The following GNB4 variants were observed in gnomAD, a reference collection of about 807,000 sequenced individuals.
GNB4 encodes guanine nucleotide-binding protein subunit beta-4.
In GNB4, 28 loss-of-function variants were observed where a neutral mutation model predicts 45.2. The ratio of observed to expected loss-of-function variants is 0.62; its 90% confidence interval spans 0.46 to 0.85. GNB4 has a LOEUF of 0.85. GNB4 is among the 40% of genes least tolerant of loss of function. The pLI, the probability that GNB4 is intolerant of heterozygous loss-of-function variation, is 0.00. For missense variants in GNB4, 321 were observed against 425.4 expected, an observed-to-expected ratio of 0.75 and a Z score of 2.16; for synonymous variants, 132 against 143.7, an observed-to-expected ratio of 0.92 and a Z score of 0.58.
At chr3:179,506,393 T>A in the GNB4 span, among the ~76,000 whole-genome samples, 1 of 152,156 alleles carries the variant, frequency 6.6e-6, no homozygotes, top group African/African-American at 2.4e-5. Context: ...CTAGCAGTAT[T>A]TATCTTTGAG....
At chr3:179,506,391 A>G in the GNB4 span, among the ~76,000 whole-genome samples, 3 of 152,166 alleles carry the variant, frequency 2.0e-5, no homozygotes, top group Non-Finnish European at 2.9e-5. Flanking sequence ...CACTAGCAGT[A>G]TTTATCTTTG....
intron 6 of GNB4, among the ~76,000 whole-genome samples, chr3:179,414,651 G>A (rs1714741800): frequency 6.6e-6 from 1 of 152,134 alleles, no homozygotes; most frequent in Non-Finnish European, 1.5e-5. Flanking sequence ...TGAATTTTGT[G>A]CAGTAAATTT....
At chr3:179,469,539 C>A in the GNB4 span, among the ~76,000 whole-genome samples, 1 of 151,952 alleles carries the variant, frequency 6.6e-6, no homozygotes, top group African/African-American at 2.4e-5. Context: ...CTGCATGACA[C>A]GTTATTGAGT....
chr3:179,486,327 T>A, the GNB4 span, among the ~76,000 whole-genome samples: 1 of 151,946 alleles, frequency 6.6e-6, no homozygotes, highest in African/African-American at 2.4e-5. Flanking sequence ...TTAAAAATAA[T>A]CATGAGTTTA....
the GNB4 span, among the ~76,000 whole-genome samples, chr3:179,481,884 A>G: frequency 6.6e-6 from 1 of 151,972 alleles, no homozygotes; most frequent in Non-Finnish European, 1.5e-5. Context: ...TAAGTTTCTT[A>G]TTTTATTTAT....
chr3:179,458,653 T>A, the GNB4 span, among the ~76,000 whole-genome samples: 1 of 152,246 alleles, frequency 6.6e-6, no homozygotes, highest in Non-Finnish European at 1.5e-5. Context: ...TCCTGTATAC[T>A]TTAAATCATC....
At chr3:179,502,736 C>CT in the GNB4 span, among the ~76,000 whole-genome samples, 1 of 152,154 alleles carries the variant, frequency 6.6e-6, no homozygotes, top group Non-Finnish European at 1.5e-5. Flanking sequence ...TCAGTAAAAT[C>CT]TTCTGATTAG....
In GNB4 at chr3:179,415,060, C is replaced by T; in HGVS notation, c.268-13G>A. 2.0e-6 allele frequency: 3 copies of T among 1,537,268 alleles called. No individual in the cohort carries two copies. The highest frequency in any genetic ancestry group is 2.5e-5 in the South Asian group (2 of 79,014). On this transcript the variant is annotated splice_polypyrimidine_tract_variant and intron_variant, in intron 5 of 9. Coordinates refer to ENST00000232564, the MANE Select transcript of GNB4 (RefSeq NM_021629.4). ...GAATAGCATGCATCTGTAGGGCACA[C>T]ACCACACATCACTCAGATTACAAAA...
intron 8 of GNB4, among the ~76,000 whole-genome samples, chr3:179,407,139 A>G (rs1183045744): frequency 6.6e-6 from 1 of 152,212 alleles, no homozygotes; most frequent in African/African-American, 2.4e-5. Flanking sequence ...GATATCAGTC[A>G]ACGAAGGAGC....
chr3:179,519,865 T>C, the GNB4 span, among the ~76,000 whole-genome samples: 1 of 152,158 alleles, frequency 6.6e-6, no homozygotes, highest in Non-Finnish European at 1.5e-5. Context: ...CCACAGCATG[T>C]TTTAAAAGGA....
At chr3:179,447,895 G>C (rs1436717995) in intron 1 of GNB4, among the ~76,000 whole-genome samples, 1 of 152,186 alleles carries the variant, frequency 6.6e-6, no homozygotes, top group Non-Finnish European at 1.5e-5. Flanking sequence ...GGAGAAGAAT[G>C]AGAAACTGTA....
At chr3:179,487,908 G>A in the GNB4 span, among the ~76,000 whole-genome samples, 1 of 152,028 alleles carries the variant, frequency 6.6e-6, no homozygotes, top group Non-Finnish European at 1.5e-5. Context: ...AAAATTAGCT[G>A]GGTGTGGTAG....
chr3:179,441,371 T>C (rs75880040), intron 1 of GNB4, among the ~76,000 whole-genome samples: 24,465 of 152,136 alleles, frequency 0.16, 2,247 homozygotes, highest in Middle Eastern at 0.25. Flanking sequence ...TACTCAACAC[T>C]GCAGGCAATT....
At chr3:179,444,737 ATAATT>A (rs1012375542) in intron 1 of GNB4, among the ~76,000 whole-genome samples, 2 of 152,200 alleles carry the variant, frequency 1.3e-5, no homozygotes, top group African/African-American at 4.8e-5. Context: ...GCATACATAT[ATAATT>A]TAATTTGCAG....
the GNB4 span, among the ~76,000 whole-genome samples, chr3:179,457,666 C>A: frequency 2.0e-5 from 3 of 152,122 alleles, no homozygotes; most frequent in African/African-American, 4.8e-5. Flanking sequence ...AAAAAGGTAT[C>A]TTCGTATCTA....
the GNB4 span, among the ~76,000 whole-genome samples, chr3:179,462,831 C>A: frequency 6.6e-6 from 1 of 151,710 alleles, no homozygotes; most frequent in Admixed American, 6.6e-5. Context: ...AGTGAAACTC[C>A]GTCCCCAAAA....
At chr3:179,468,589 C>A in the GNB4 span, among the ~76,000 whole-genome samples, 2 of 152,014 alleles carry the variant, frequency 1.3e-5, no homozygotes, top group Admixed American at 6.6e-5. Flanking sequence ...TGCATCATAG[C>A]CTCCACTCTT....
chr3:179,459,953 T>C, the GNB4 span, among the ~76,000 whole-genome samples: 1 of 152,210 alleles, frequency 6.6e-6, no homozygotes, highest in Non-Finnish European at 1.5e-5. Context: ...CACCAATTCA[T>C]TCAATCTGGA....
chr3:179,468,130 G>A, the GNB4 span, among the ~76,000 whole-genome samples: 1 of 148,574 alleles, frequency 6.7e-6, no homozygotes, highest in Non-Finnish European at 1.5e-5. Flanking sequence ...TGCAGGAGTT[G>A]GAGGCTGCAG....
Sources: gnomAD v4.1 joint callset for allele counts (sites outside exome capture counted in the v4.1 genomes callset) on GRCh38, gnomAD v4.1.1 for gene constraint, MANE v1.5 for transcripts, NCBI Gene and HGNC (gene_info 2026-07-23, HGNC 2026-07-21) for gene names.